The following PLCB1 variants were observed in gnomAD, a reference collection of about 807,000 sequenced individuals.
PLCB1 encodes phospholipase C beta 1, also known as 1-phosphatidylinositol 4,5-bisphosphate phosphodiesterase beta-1.
Under a neutral mutation model 161.8 loss-of-function variants are expected in PLCB1, and 46 were observed. The ratio of observed to expected loss-of-function variants is 0.28; its 90% confidence interval spans 0.22 to 0.36. The LOEUF (loss-of-function observed/expected upper bound fraction) is 0.36. PLCB1 is among the 10% of genes least tolerant of loss of function. The probability of loss-of-function intolerance (pLI) is 1.00; values close to 1 mark genes in which losing one functional copy is unlikely to be tolerated. For missense variants in PLCB1, 1,016 were observed against 1,472.5 expected (o/e 0.69, Z 5.07); for synonymous variants, 517 against 503.7 (o/e 1.03, Z -0.35).
intron 3 of PLCB1, among the ~76,000 whole-genome samples, chr20:8,464,396 A>G (rs1258979875): frequency 1.3e-5 from 2 of 152,224 alleles, no homozygotes; most frequent in East Asian, 1.9e-4. Flanking sequence ...TTTTCTCAAT[A>G]GACTTTTCCA....
chr20:8,762,023 C>A (rs933449591), intron 25 of PLCB1, among the ~76,000 whole-genome samples: 4 of 151,260 alleles, frequency 2.6e-5, no homozygotes, highest in Non-Finnish European at 5.9e-5. Flanking sequence ...CCAGCCTGAC[C>A]AACATGGAGA....
chr20:8,472,235 A>G (rs1318961223), intron 3 of PLCB1, among the ~76,000 whole-genome samples: 1 of 152,104 alleles, frequency 6.6e-6, no homozygotes, highest in Non-Finnish European at 1.5e-5. Flanking sequence ...ATCTTTGTGG[A>G]GTTTTTTGGG....
chr20:8,790,153 G>C (rs1415652886), intron 30 of PLCB1, 22 bp from the exon 31 acceptor site: 1 of 1,555,492 alleles, frequency 6.4e-7, no homozygotes, highest in East Asian at 2.3e-5. Context: ...TGAAAGTAAT[G>C]TTTCTTGTAA....
At chr20:8,225,608 T>C (rs1979638980) in intron 2 of PLCB1, among the ~76,000 whole-genome samples, 1 of 152,256 alleles carries the variant, frequency 6.6e-6, no homozygotes, top group Non-Finnish European at 1.5e-5. Context: ...TTTGGTATTA[T>C]AGAGTCTACT....
chr20:8,877,413 A>G lies in PLCB1; in HGVS notation c.3424-4209A>G, dbSNP rs74782108. On this transcript the variant is annotated intron_variant, in intron 31 of 31. Transcript: ENST00000338037. ...AATGTGATTTGAATTGATTGCCAAC[A>G]ATAAAAACTCAGGCTCTTACATGAA... is the stretch of plus-strand genomic sequence containing the variant. Among the ~76,000 whole-genome samples the G allele has an allele frequency of 4.7e-3, 723 of 152,352 alleles. 35 individuals are homozygous for G. In the East Asian group the frequency reaches 0.11, roughly 24 times the overall value.
At chr20:8,185,292 G>C (rs1306000673) in intron 2 of PLCB1, among the ~76,000 whole-genome samples, 1 of 152,126 alleles carries the variant, frequency 6.6e-6, no homozygotes, top group East Asian at 1.9e-4. Flanking sequence ...AAAATGATGT[G>C]TTTACAAGGT....
chr20:8,278,634 G>A (rs1043797622), intron 2 of PLCB1, among the ~76,000 whole-genome samples: 3 of 151,924 alleles, frequency 2.0e-5, no homozygotes, highest in African/African-American at 4.8e-5. Context: ...ATTAATACCA[G>A]GAGAAGCTAT....
At chr20:8,538,992 T>C (rs1364572812) in intron 3 of PLCB1, among the ~76,000 whole-genome samples, 1 of 151,838 alleles carries the variant, frequency 6.6e-6, no homozygotes, top group Non-Finnish European at 1.5e-5. Context: ...AGGGTTTCAC[T>C]GTCTCAGGCT....
chr20:8,235,761 A>G (rs1980283547), intron 2 of PLCB1, among the ~76,000 whole-genome samples: 2 of 152,108 alleles, frequency 1.3e-5, no homozygotes, highest in Admixed American at 6.5e-5. Flanking sequence ...AGAGTTCAAC[A>G]CGGAAATTAT....
chr20:8,717,822 T>C lies in PLCB1; in HGVS notation c.1487T>C (p.Met496Thr), dbSNP rs779036630. Residue 496 changes from methionine (M) to threonine (T), a missense_variant, in exon 14 of 32, where the codon ATG becomes ACG. This residue lies in a region of PLCB1 where 109 missense variants were observed against 129.7 expected (regional missense o/e 0.84). Coordinates refer to ENST00000338037, the MANE Select transcript of PLCB1 (RefSeq NM_015192.4). ...ASNTYSDSSS[M>T]FEPSSPGAGE... ...AACACCTACAGTGACTCCTCCAGCA[T>C]GTTCGAGCCCTCATCCCCAGGAGCC... is the stretch of plus-strand genomic sequence containing the variant. The C allele has an allele frequency of 2.2e-5, 35 of 1,611,094 alleles. No individual in the cohort carries two copies. The highest frequency in any genetic ancestry group is 2.7e-5 in the Non-Finnish European group (32 of 1,179,204).
At chr20:8,141,525 A>C (rs1055536379) in intron 1 of PLCB1, among the ~76,000 whole-genome samples, 2 of 151,058 alleles carry the variant, frequency 1.3e-5, no homozygotes, top group Non-Finnish European at 2.9e-5. Flanking sequence ...CGAGAGGCTG[A>C]GGCAGAAGAA....
intron 27 of PLCB1, among the ~76,000 whole-genome samples, chr20:8,776,270 A>G (rs1982939532): frequency 6.6e-6 from 1 of 152,218 alleles, no homozygotes; most frequent in Non-Finnish European, 1.5e-5. Flanking sequence ...AAAAATGTAT[A>G]TAGCAAAATT....
At chr20:8,500,662 TAATAAG>T (rs1189968322) in intron 3 of PLCB1, among the ~76,000 whole-genome samples, 1 of 152,244 alleles carries the variant, frequency 6.6e-6, no homozygotes, top group Non-Finnish European at 1.5e-5. Flanking sequence ...TTTATTTCTA[TAATAAG>T]AAAGGTAAGA....
intron 2 of PLCB1, among the ~76,000 whole-genome samples, chr20:8,179,908 G>A (rs369151601): frequency 7.7e-5 from 10 of 129,382 alleles, no homozygotes; most frequent in East Asian, 4.4e-4. Context: ...GCCCAGGCTG[G>A]AGTGCAGTGG....
intron 31 of PLCB1, among the ~76,000 whole-genome samples, chr20:8,799,516 G>GT (rs541939793): frequency 5.3e-5 from 8 of 151,718 alleles, no homozygotes; most frequent in Non-Finnish European, 7.4e-5. Flanking sequence ...ATGTATCTCT[G>GT]TTTTTTTTAA....
chr20:8,536,672 C>T (rs188444377), intron 3 of PLCB1, among the ~76,000 whole-genome samples: 140 of 152,244 alleles, frequency 9.2e-4, no homozygotes, highest in African/African-American at 3.0e-3. Context: ...GCCAGGTCTT[C>T]CTACATGGCC....
At chr20:8,496,535 A>G (rs920036192) in intron 3 of PLCB1, among the ~76,000 whole-genome samples, 3 of 152,134 alleles carry the variant, frequency 2.0e-5, no homozygotes, top group African/African-American at 7.2e-5. Flanking sequence ...TTTAATAATT[A>G]GTGATTTTCT....
At chr20:8,675,606 T>C (rs1246340889) in intron 9 of PLCB1, among the ~76,000 whole-genome samples, 2 of 152,120 alleles carry the variant, frequency 1.3e-5, no homozygotes, top group African/African-American at 2.4e-5. Context: ...AACAAAAATA[T>C]CTGCAGTATG....
intron 3 of PLCB1, among the ~76,000 whole-genome samples, chr20:8,622,352 C>T (rs774770709): frequency 8.6e-5 from 13 of 152,014 alleles, no homozygotes; most frequent in Middle Eastern, 3.4e-3. Context: ...ATTGAGATAA[C>T]ATTTCCTTAT....
Sources: allele counts gnomAD v4.1 joint callset (sites outside exome capture counted in the v4.1 genomes callset), GRCh38; gene constraint gnomAD v4.1.1; regional missense constraint gnomAD v4.1.1; transcripts MANE v1.5; gene names NCBI Gene and HGNC (gene_info 2026-07-23, HGNC 2026-07-21).